Variants in LPAR1 observed in about 807,000 individuals in gnomAD.
The protein encoded by LPAR1 is lysophosphatidic acid receptor 1.
Under a neutral mutation model 23.8 loss-of-function variants are expected in LPAR1, and 5 were observed. The ratio of observed to expected loss-of-function variants is 0.21; its 90% CI spans 0.11 to 0.44. The LOEUF is 0.44. Among genes scored for constraint, LPAR1 ranks in the 20% least tolerant of loss-of-function variants. LPAR1 has a pLI of 0.99. For missense variants in LPAR1, 311 were observed against 482.8 expected (o/e 0.64, Z 3.33); for synonymous variants, 160 against 164.7 (o/e 0.97, Z 0.22).
chr9:110,949,605 C>T (rs978148130), intron 4 of LPAR1, among the ~76,000 whole-genome samples: 1 of 152,144 alleles, frequency 6.6e-6, no homozygotes, highest in African/African-American at 2.4e-5. Context: ...CTTGCTATTA[C>T]TTATTTTCCC....
chr9:110,990,280 A>T (rs1468602950), intron 2 of LPAR1, among the ~76,000 whole-genome samples: 1 of 152,036 alleles, frequency 6.6e-6, no homozygotes, highest in African/African-American at 2.4e-5. Flanking sequence ...GACTCAACCC[A>T]ACACCAGACT....
intron 5 of LPAR1, among the ~76,000 whole-genome samples, chr9:110,899,412 T>C (rs544472987): frequency 6.6e-6 from 1 of 152,350 alleles, no homozygotes; most frequent in South Asian, 2.1e-4. Context: ...CAATGCAATG[T>C]AGTCAGTGTC....
intron 5 of LPAR1, among the ~76,000 whole-genome samples, chr9:110,894,405 G>A (rs938289833): frequency 6.6e-6 from 1 of 152,204 alleles, no homozygotes; most frequent in African/African-American, 2.4e-5. Flanking sequence ...CAGCACTATT[G>A]TGAGGACTGA....
chr9:110,975,893 C>G (rs2096543940), intron 2 of LPAR1, among the ~76,000 whole-genome samples: 1 of 152,130 alleles, frequency 6.6e-6, no homozygotes, highest in Non-Finnish European at 1.5e-5. Context: ...TACAAGAACG[C>G]TTTATAAAAT....
At chr9:111,012,924 G>A (rs2097362270) in intron 2 of LPAR1, among the ~76,000 whole-genome samples, 1 of 152,146 alleles carries the variant, frequency 6.6e-6, no homozygotes, top group Non-Finnish European at 1.5e-5. Flanking sequence ...CTGTAACTTT[G>A]TGAAAGGTCT....
chr9:110,928,145 A>G (rs898813749), intron 5 of LPAR1, among the ~76,000 whole-genome samples: 8 of 152,144 alleles, frequency 5.3e-5, no homozygotes, highest in African/African-American at 1.7e-4. Context: ...AATACACTGA[A>G]CATGTAATAT....
intron 2 of LPAR1, among the ~76,000 whole-genome samples, chr9:110,981,892 G>C (rs1227306687): frequency 6.6e-6 from 1 of 152,166 alleles, no homozygotes; most frequent in South Asian, 2.1e-4. Flanking sequence ...ATCACTGCTC[G>C]TTACAGAAAT....
At position 110,875,574 on chromosome 9, in the gene LPAR1, G is replaced by A. The variant is rs3739709; in HGVS notation, c.942C>T (p.Arg314=). 289,886 of 1,613,670 alleles carry A rather than the reference G, an allele frequency of 0.18. 27,371 individuals are homozygous for A. The highest frequency in any genetic ancestry group is 0.2 in the Admixed American group (11,936 of 59,974). ...TAAAGGTGGCGCTCATTTCTTTGTC[G>A]CGGTAGGAGTAAATGATGGGGTTCA... is the stretch of plus-strand genomic sequence containing the variant. The part of the protein sequence containing the change: ...SAMNPIIYSY[R]DKEMSATFRQ... The change falls in exon 6 of 6, where the codon CGC becomes CGT. Residue 314 remains arginine (R), a synonymous_variant. Coordinates refer to ENST00000683809, the MANE Select transcript of LPAR1 (RefSeq NM_001351411.2).
chr9:111,004,483 A>T (rs2097179632), intron 2 of LPAR1, among the ~76,000 whole-genome samples: 1 of 151,962 alleles, frequency 6.6e-6, no homozygotes, highest in Admixed American at 6.6e-5. Flanking sequence ...GGCTTCCTCC[A>T]CCCCAACTCA....
At chr9:110,910,402 C>T (rs180924206) in intron 5 of LPAR1, among the ~76,000 whole-genome samples, 9 of 152,258 alleles carry the variant, frequency 5.9e-5, no homozygotes, top group Admixed American at 5.9e-4. Context: ...AACAAAGATT[C>T]CTTTCAAAAT....
At chr9:110,986,958 A>G (rs1180117502) in intron 2 of LPAR1, among the ~76,000 whole-genome samples, 2 of 151,426 alleles carry the variant, frequency 1.3e-5, no homozygotes, top group Non-Finnish European at 2.9e-5. Flanking sequence ...TTGTATACAA[A>G]GTAGGAAAAT....
intron 2 of LPAR1, among the ~76,000 whole-genome samples, chr9:110,978,923 G>A (rs571232910): frequency 1.3e-5 from 2 of 152,158 alleles, no homozygotes; most frequent in African/African-American, 4.8e-5. Flanking sequence ...GGGTGGTTGT[G>A]GGGAGAGGGA....
intron 5 of LPAR1, among the ~76,000 whole-genome samples, chr9:110,886,848 T>C (rs62571456): frequency 0.1 from 15,377 of 152,164 alleles, 836 homozygotes; most frequent in African/African-American, 0.11. Flanking sequence ...ATCAATGTTG[T>C]CAACTCCAGA....
chr9:110,951,900 T>C (rs935311067), intron 4 of LPAR1, among the ~76,000 whole-genome samples: 14 of 152,078 alleles, frequency 9.2e-5, no homozygotes, highest in African/African-American at 3.4e-4. Flanking sequence ...CAGAAAGATA[T>C]AAAGCAGTTA....
intron 5 of LPAR1, among the ~76,000 whole-genome samples, chr9:110,912,782 C>T (rs1564446298): frequency 1.3e-5 from 2 of 150,766 alleles, no homozygotes; most frequent in Non-Finnish European, 2.9e-5. Flanking sequence ...CTAAATGCCA[C>T]CAGGACATTC....
chr9:110,918,747 T>C (rs557146199), intron 5 of LPAR1, among the ~76,000 whole-genome samples: 8 of 152,382 alleles, frequency 5.2e-5, no homozygotes, highest in African/African-American at 1.9e-4. Flanking sequence ...TACTAGATGA[T>C]ACATTCTTTA....
At chr9:110,931,069 TG>T (rs1182267318) in intron 5 of LPAR1, among the ~76,000 whole-genome samples, 1 of 152,182 alleles carries the variant, frequency 6.6e-6, no homozygotes, top group Non-Finnish European at 1.5e-5. Context: ...CATAGCTAAG[TG>T]AAATACTAAT....
intron 2 of LPAR1, among the ~76,000 whole-genome samples, chr9:111,029,847 T>C (rs561322201): frequency 6.6e-6 from 1 of 151,732 alleles, no homozygotes; most frequent in African/African-American, 2.4e-5. Context: ...GGCCAGGAGT[T>C]CAAGACCAGC....
chr9:110,905,825 C>T (rs899980001), intron 5 of LPAR1, among the ~76,000 whole-genome samples: 14 of 152,126 alleles, frequency 9.2e-5, no homozygotes, highest in African/African-American at 3.4e-4. Flanking sequence ...GGTGAACATA[C>T]CTGGGCTAGA....
Sources: allele counts gnomAD v4.1 joint callset (sites outside exome capture counted in the v4.1 genomes callset), GRCh38; gene constraint gnomAD v4.1.1; transcripts MANE v1.5; gene names NCBI Gene and HGNC (gene_info 2026-07-23, HGNC 2026-07-21).